ST8SIA1: variants seen among roughly 807,000 people sequenced by gnomAD.
ST8SIA1 encodes ST8 alpha-N-acetyl-neuraminide alpha-2,8-sialyltransferase 1, also known as alpha-N-acetylneuraminide alpha-2,8-sialyltransferase.
In ST8SIA1, 16 loss-of-function variants were observed where a neutral mutation model predicts 35.9. The observed-to-expected ratio is 0.45, with a 90% CI of 0.30 to 0.68. The LOEUF is 0.68. Ranked by LOEUF, ST8SIA1 falls within the 30% of genes least tolerant of loss-of-function variation. The pLI, the probability that ST8SIA1 is intolerant of heterozygous loss-of-function variation, is 0.09. For missense variants in ST8SIA1, 383 were observed against 453.6 expected, an observed-to-expected ratio of 0.84 and a Z score of 1.41; for synonymous variants, 170 against 169.6, an observed-to-expected ratio of 1.00 and a Z score of -0.02.
intron 4 of ST8SIA1, among the ~76,000 whole-genome samples, chr12:22,243,378 T>C (rs1248171620): frequency 6.6e-6 from 1 of 151,500 alleles, no homozygotes; most frequent in East Asian, 1.9e-4. Flanking sequence ...GAATAAAATA[T>C]CTAATATAAA....
At chr12:22,214,687 T>C (rs1352038978) in intron 4 of ST8SIA1, among the ~76,000 whole-genome samples, 2 of 152,022 alleles carry the variant, frequency 1.3e-5, no homozygotes, top group African/African-American at 2.4e-5. Flanking sequence ...ATATAATAGA[T>C]AGGGCCTCTT....
chr12:22,277,148 C>T lies in ST8SIA1; in HGVS notation c.381+10001G>A, dbSNP rs561991674. 2.0e-4 allele frequency among the ~76,000 whole-genome samples: 31 copies of T among 152,232 alleles called. No homozygotes were observed. In the South Asian group the frequency reaches 4.4e-3, roughly 21 times the overall value. ...AATTTCCTTATTTTTAATAATAAAA[C>T]GCAACAGCATATCTACTAGCTGCTC... On this transcript the variant is annotated intron_variant, in intron 2 of 4. Coordinates refer to ENST00000396037, the MANE Select transcript of ST8SIA1 (RefSeq NM_003034.4).
intron 4 of ST8SIA1, among the ~76,000 whole-genome samples, chr12:22,247,271 T>C (rs1341680004): frequency 1.3e-5 from 2 of 152,198 alleles, no homozygotes; most frequent in Non-Finnish European, 1.5e-5. Flanking sequence ...CAATATTGAA[T>C]GTTTCATTTC....
chr12:22,228,792 A>G (rs1188387741), intron 4 of ST8SIA1, among the ~76,000 whole-genome samples: 1 of 152,162 alleles, frequency 6.6e-6, no homozygotes, highest in Non-Finnish European at 1.5e-5. Context: ...AAGGTGGCTC[A>G]TGCCTGTAAT....
intron 4 of ST8SIA1, among the ~76,000 whole-genome samples, chr12:22,245,722 G>C (rs1458398196): frequency 6.6e-6 from 1 of 152,182 alleles, no homozygotes; most frequent in Non-Finnish European, 1.5e-5. Context: ...TGGGGGGCTG[G>C]TCACTGCAAA....
intron 2 of ST8SIA1, among the ~76,000 whole-genome samples, chr12:22,259,495 T>C (rs1555157771): frequency 1.3e-5 from 2 of 150,430 alleles, no homozygotes; most frequent in South Asian, 4.2e-4. Context: ...TGAGACAGAG[T>C]CTCCCTCTCG....
chr12:22,295,759 T>C (rs1191192029), intron 1 of ST8SIA1, among the ~76,000 whole-genome samples: 1 of 152,100 alleles, frequency 6.6e-6, no homozygotes, highest in Admixed American at 6.6e-5. Flanking sequence ...AGAACCTACT[T>C]GATTTTGTAT....
Position 22,334,625 on chromosome 12 carries a change from T to G in ST8SIA1, c.-393A>C. 4.7e-6 allele frequency: 1 copy of G among 213,048 alleles called. No homozygotes were observed. The highest frequency in any genetic ancestry group is 9.4e-6 in the Non-Finnish European group (1 of 106,204). 13.2% of individuals were successfully genotyped at this position (213,048 alleles called of 1,614,324 possible). A position where few individuals can be genotyped will look rare whatever the true frequency, so the allele number is the denominator to read the frequency against. On this transcript the variant is annotated 5_prime_UTR_variant, in exon 1 of 5. Transcript: ENST00000396037. ...AAGGCTCGGCTCCCTCCTAAACATGTGGCCCGTGGCGTCCCCTTGTCCCCT... is the reference window on the plus strand; with the variant it reads ...AAGGCTCGGCTCCCTCCTAAACATGGGGCCCGTGGCGTCCCCTTGTCCCCT...
At chr12:22,286,485 G>A (rs769147425) in intron 2 of ST8SIA1, 3 of 518,682 alleles carry the variant, frequency 5.8e-6, no homozygotes, top group South Asian at 4.2e-5. Flanking sequence ...TTCCCTAATT[G>A]CAATTTTGCC....
intron 1 of ST8SIA1, among the ~76,000 whole-genome samples, chr12:22,320,945 GAAAGAAAGAAAGAGAA>G (rs1208777543): frequency 1.6e-4 from 15 of 91,584 alleles, no homozygotes; most frequent in Admixed American, 4.7e-4. Context: ...AAGAAAGAAA[GAAAGAAAGAAAGAGAA>G]AGAAAGAAAG....
In ST8SIA1 at chr12:22,265,499, A is replaced by C. The variant is rs538232289; in HGVS notation, c.382-10110T>G. ...CTGCTGTTAATGTTCCCCTATGACAATTGGCAAGTTATTTAACCTTAGGGC... is the reference window on the plus strand; with the variant it reads ...CTGCTGTTAATGTTCCCCTATGACACTTGGCAAGTTATTTAACCTTAGGGC... On this transcript the variant is annotated intron_variant, in intron 2 of 4. Transcript: ENST00000396037. 3.9e-5 allele frequency among the ~76,000 whole-genome samples: 6 copies of C among 152,334 alleles called. No individual in the cohort carries two copies. In the South Asian group the frequency reaches 1.2e-3, roughly 32 times the overall value.
intron 4 of ST8SIA1, among the ~76,000 whole-genome samples, chr12:22,235,032 T>C (rs1257871808): frequency 6.6e-6 from 1 of 152,218 alleles, no homozygotes; most frequent in Non-Finnish European, 1.5e-5. Flanking sequence ...AGTGTGTGTA[T>C]GTGCACGTGT....
intron 4 of ST8SIA1, among the ~76,000 whole-genome samples, chr12:22,227,918 G>C (rs1865376719): frequency 6.6e-6 from 1 of 152,160 alleles, no homozygotes; most frequent in Non-Finnish European, 1.5e-5. Flanking sequence ...ATGATGGTTA[G>C]GGAGTCATAC....
At position 22,221,972 on chromosome 12, in the gene ST8SIA1, T is replaced by A. The variant is rs117563215; in HGVS notation, c.585-19934A>T. Among the ~76,000 whole-genome samples the A allele has an allele frequency of 1.3e-3, 201 of 152,164 alleles. 1 individual carries two copies. In the East Asian group the frequency reaches 0.031, roughly 24 times the overall value. ...ACCATTCTTCACCCATTTTCAAAAA[T>A]GGAAAAGAAAGTTAAAAAAACTGCA... On this transcript the variant is annotated intron_variant, in intron 4 of 4. Coordinates refer to ENST00000396037, the MANE Select transcript of ST8SIA1 (RefSeq NM_003034.4).
At chr12:22,253,929 A>G (rs1865700775) in intron 3 of ST8SIA1, among the ~76,000 whole-genome samples, 1 of 152,110 alleles carries the variant, frequency 6.6e-6, no homozygotes, top group Non-Finnish European at 1.5e-5. Context: ...TCTCTCAAAT[A>G]AAGTTTTTAC....
intron 4 of ST8SIA1, among the ~76,000 whole-genome samples, chr12:22,247,195 C>T (rs1208841508): frequency 1.3e-5 from 2 of 150,192 alleles, no homozygotes; most frequent in Non-Finnish European, 3.0e-5. Context: ...TTTTCACATT[C>T]CTTTTTAAAT....
At chr12:22,276,858 A>T (rs2135810115) in intron 2 of ST8SIA1, among the ~76,000 whole-genome samples, 1 of 152,232 alleles carries the variant, frequency 6.6e-6, no homozygotes, top group African/African-American at 2.4e-5. Flanking sequence ...AAAATGGAAA[A>T]AAAAAAGGCC....
At chr12:22,222,430 A>G (rs1865310205) in intron 4 of ST8SIA1, among the ~76,000 whole-genome samples, 1 of 152,200 alleles carries the variant, frequency 6.6e-6, no homozygotes, top group African/African-American at 2.4e-5. Flanking sequence ...CTAATTTTCC[A>G]GAAAGAAAAT....
chr12:22,313,195 T>C (rs1866474516), intron 1 of ST8SIA1, among the ~76,000 whole-genome samples: 1 of 152,154 alleles, frequency 6.6e-6, no homozygotes, highest in Non-Finnish European at 1.5e-5. Context: ...ACCTCCCTCA[T>C]ACATTAGTAG....
Sources: allele counts gnomAD v4.1 joint callset (sites outside exome capture counted in the v4.1 genomes callset), GRCh38; gene constraint gnomAD v4.1.1; transcripts MANE v1.5; gene names NCBI Gene and HGNC (gene_info 2026-07-23, HGNC 2026-07-21).